PCDH10: variants seen among roughly 807,000 people sequenced by gnomAD.
PCDH10 encodes protocadherin 10.
Under a neutral mutation model 74.4 loss-of-function variants are expected in PCDH10, and 15 were observed. That is an observed-to-expected ratio of 0.20 (90% CI 0.13 to 0.31). The LOEUF is 0.31. Ranked by LOEUF, PCDH10 falls within the 10% of genes least tolerant of loss-of-function variation. The pLI, the probability that PCDH10 is intolerant of heterozygous loss-of-function variation, is 1.00. For synonymous variants in PCDH10, 619 were observed against 589.8 expected (o/e 1.05, Z -0.72); for missense variants, 1,260 against 1,390.2 (o/e 0.91, Z 1.49).
At position 133,193,736 on chromosome 4, in the gene PCDH10, T is replaced by A. The variant is rs1727731828; in HGVS notation, c.*3576T>A. 6.6e-6 allele frequency: 1 copy of A among 151,672 alleles called. No individual in the cohort carries two copies. Among genetic ancestry groups the A allele is most frequent in the South Asian group, 2.1e-4 (1 of 4,834 alleles). 9.4% of individuals were successfully genotyped at this position (151,672 alleles called of 1,614,324 possible). A position where few individuals can be genotyped will look rare whatever the true frequency, so the allele number is the denominator to read the frequency against. On this transcript the variant is annotated 3_prime_UTR_variant, in exon 5 of 5. Coordinates refer to ENST00000264360, the MANE Select transcript of PCDH10 (RefSeq NM_032961.3). ...TGTGTGCTATTGATACCCAAGGAACTCAAAAATACTTAAAATATTGGTATA... is the reference window on the plus strand; with the variant it reads ...TGTGTGCTATTGATACCCAAGGAACACAAAAATACTTAAAATATTGGTATA...
At chr4:133,175,180 A>G (rs939051135) in intron 4 of PCDH10, among the ~76,000 whole-genome samples, 1 of 151,942 alleles carries the variant, frequency 6.6e-6, no homozygotes, top group African/African-American at 2.4e-5. Flanking sequence ...CTTTTTTCTA[A>G]TCTTTTAAGT....
At chr4:133,166,990 A>G (rs1727094723) in intron 4 of PCDH10, among the ~76,000 whole-genome samples, 2 of 151,482 alleles carry the variant, frequency 1.3e-5, no homozygotes, top group Non-Finnish European at 1.5e-5. Context: ...ATTTATTTTC[A>G]TGGCCCATCT....
At chr4:133,198,182 C>T (rs1727831130), downstream of PCDH10, among the ~76,000 whole-genome samples, 2 of 151,868 alleles carry the variant, frequency 1.3e-5, no homozygotes, top group South Asian at 4.1e-4. Context: ...GCTTTTCAAC[C>T]CGTGCAATCA....
chr4:133,184,600 G>C (rs1160811840), intron 4 of PCDH10, among the ~76,000 whole-genome samples: 1 of 150,450 alleles, frequency 6.6e-6, no homozygotes, highest in Non-Finnish European at 1.5e-5. Context: ...ACCAGAGCAA[G>C]ACTGTGTCTC....
chr4:133,156,483 A>T lies in PCDH10; in HGVS notation c.2797+1460A>T, dbSNP rs546356244. On this transcript the variant is annotated intron_variant, in intron 3 of 4. Coordinates refer to ENST00000264360, the MANE Select transcript of PCDH10 (RefSeq NM_032961.3). ...CTGACAACAAACCAGATCTTGCCAG[A>T]AGTTTATATGTGCGTACAAAGTCCC... is the stretch of plus-strand genomic sequence containing the variant. 9.8e-5 allele frequency among the ~76,000 whole-genome samples: 15 copies of T among 152,362 alleles called. No homozygotes were observed. In the South Asian group the frequency reaches 2.9e-3, roughly 29 times the overall value.
rs756102788 is a variant in PCDH10, at chr4:133,152,447, C to T, written c.2307C>T (p.Thr769=). 1.2e-6 allele frequency: 2 copies of T among 1,614,164 alleles called. No individual in the cohort carries two copies. Among genetic ancestry groups the T allele is most frequent in the Admixed American group, 3.3e-5 (2 of 60,032 alleles). ...GCTGCTGCGGTGGCGGAGGTTCGAC[C>T]TGCTGTGGCCGCCAAGCCCGGGCGC... is the stretch of plus-strand genomic sequence containing the variant. ...CCCCCGGGGS[T]CCGRQARARK... is the part of the protein sequence containing the mutation. Residue 769 remains threonine (T), a synonymous_variant, in exon 1 of 5, where the codon ACC becomes ACT. Transcript: ENST00000264360.
intron 3 of PCDH10, among the ~76,000 whole-genome samples, chr4:133,157,711 T>C (rs1726894417): frequency 6.6e-6 from 1 of 152,204 alleles, no homozygotes; most frequent in Non-Finnish European, 1.5e-5. Flanking sequence ...ACTTCCTTTT[T>C]CTTTATTCCT....
intron 4 of PCDH10, among the ~76,000 whole-genome samples, chr4:133,173,048 A>T (rs1046850754): frequency 1.3e-5 from 2 of 152,002 alleles, no homozygotes. Context: ...ACAAATATTT[A>T]AATATACTAA....
intron 4 of PCDH10, among the ~76,000 whole-genome samples, chr4:133,184,775 T>TATATATATATAA (rs1412801893): frequency 2.2e-5 from 3 of 138,470 alleles, no homozygotes; most frequent in Non-Finnish European, 4.7e-5. Context: ...AATATATAAA[T>TATATATATATAA]ATATATATAA....
intron 3 of PCDH10, among the ~76,000 whole-genome samples, chr4:133,157,671 A>C (rs1412452312): frequency 1.3e-5 from 2 of 152,152 alleles, no homozygotes; most frequent in African/African-American, 4.8e-5. Flanking sequence ...TAGTGTACAG[A>C]CTATTTAGCT....
chr4:133,153,942 A>C (rs1051237789), intron 1 of PCDH10: 2 of 199,800 alleles, frequency 1.0e-5, no homozygotes, highest in African/African-American at 4.7e-5. Context: ...ATGCACCTAA[A>C]CACTTTTTTA....
At chr4:133,182,431 A>G (rs1370528433) in intron 4 of PCDH10, among the ~76,000 whole-genome samples, 1 of 152,112 alleles carries the variant, frequency 6.6e-6, no homozygotes, top group Non-Finnish European at 1.5e-5. Context: ...CAATACTGAT[A>G]AAGTAACTTA....
At position 133,150,629 on chromosome 4, in the gene PCDH10, C is replaced by A; in HGVS notation, c.489C>A (p.Pro163=). Residue 163 remains proline, a synonymous_variant, in exon 1 of 5, where the codon CCC becomes CCA. Coordinates refer to ENST00000264360, the MANE Select transcript of PCDH10 (RefSeq NM_032961.3). ...TNSLRDYEIT[P]NSYFSLDVQT... is the part of the protein sequence containing the mutation. ...CCTTGCGCGACTACGAGATCACCCC[C>A]AACAGCTACTTCTCCCTGGACGTGC... 6.2e-7 allele frequency: 1 copy of A among 1,613,402 alleles called. No individual in the cohort carries two copies. Among genetic ancestry groups the A allele is most frequent in the Non-Finnish European group, 8.5e-7 (1 of 1,179,982 alleles).
chr4:133,174,350 G>T (rs1226652275), intron 4 of PCDH10, among the ~76,000 whole-genome samples: 1 of 151,786 alleles, frequency 6.6e-6, no homozygotes, highest in African/African-American at 2.4e-5. Flanking sequence ...TGGTAATGTG[G>T]AAGCATGAAT....
intron 4 of PCDH10, among the ~76,000 whole-genome samples, chr4:133,172,565 C>T (rs994016309): frequency 6.6e-6 from 1 of 151,992 alleles, no homozygotes; most frequent in Non-Finnish European, 1.5e-5. Context: ...CAAAATATTA[C>T]TACTGTAGTA....
At chr4:133,169,983 A>T (rs1329055484) in intron 4 of PCDH10, among the ~76,000 whole-genome samples, 1 of 152,044 alleles carries the variant, frequency 6.6e-6, no homozygotes, top group Admixed American at 6.6e-5. Flanking sequence ...GAGTCATTTT[A>T]ATGTTTCCTG....
intron 4 of PCDH10, among the ~76,000 whole-genome samples, chr4:133,188,013 A>G (rs1029060232): frequency 2.0e-5 from 3 of 152,116 alleles, no homozygotes; most frequent in Non-Finnish European, 4.4e-5. Flanking sequence ...TTATAGGTTG[A>G]CTATAGGTCA....
chr4:133,169,124 AC>A (rs1727148903), intron 4 of PCDH10, among the ~76,000 whole-genome samples: 1 of 151,602 alleles, frequency 6.6e-6, no homozygotes, highest in Non-Finnish European at 1.5e-5. Flanking sequence ...TTTTAATTAC[AC>A]CCCATTCTTC....
intron 2 of PCDH10, among the ~76,000 whole-genome samples, chr4:133,200,208 A>T (rs1727877015): frequency 6.6e-6 from 1 of 152,008 alleles, no homozygotes; most frequent in South Asian, 2.1e-4. Flanking sequence ...AAACTTTCTC[A>T]TTAATAATGT....
Sources: gnomAD v4.1 joint callset for allele counts (sites outside exome capture counted in the v4.1 genomes callset) on GRCh38, gnomAD v4.1.1 for gene constraint, MANE v1.5 for transcripts, NCBI Gene and HGNC (gene_info 2026-07-23, HGNC 2026-07-21) for gene names.